The following TBC1D19 variants were observed in gnomAD, a reference collection of about 807,000 sequenced individuals.
The protein encoded by TBC1D19 is TBC1 domain family member 19, also known as TBC1 domain family, member 19.
A neutral mutation model predicts 89.0 loss-of-function variants in TBC1D19; 60 were observed. The observed-to-expected ratio is 0.67, with a 90% CI of 0.55 to 0.84. The LOEUF (loss-of-function observed/expected upper bound fraction) is 0.84. Among genes scored for constraint, TBC1D19 ranks in the 40% least tolerant of loss-of-function variants. The pLI is 0.00. For synonymous variants in TBC1D19, 189 were observed against 199.7 expected, an observed-to-expected ratio of 0.95 and a Z score of 0.45; for missense variants, 500 against 610.8, an observed-to-expected ratio of 0.82 and a Z score of 1.91.
At chr4:26,619,684 T>C (rs1307691707) in intron 3 of TBC1D19, among the ~76,000 whole-genome samples, 1 of 152,172 alleles carries the variant, frequency 6.6e-6, no homozygotes, top group Non-Finnish European at 1.5e-5. Flanking sequence ...ATACATGAAA[T>C]GTAGATTTTA....
chr4:26,622,684 T>A (rs561356265), intron 4 of TBC1D19, among the ~76,000 whole-genome samples: 6 of 152,194 alleles, frequency 3.9e-5, no homozygotes, highest in Non-Finnish European at 7.3e-5. Context: ...TTGTGACACA[T>A]GAAAACTATA....
chr4:26,597,488 T>C (rs938861833), intron 1 of TBC1D19, among the ~76,000 whole-genome samples: 1 of 151,686 alleles, frequency 6.6e-6, no homozygotes, highest in Non-Finnish European at 1.5e-5. Flanking sequence ...AGACGTCATA[T>C]AGTTTTCTTA....
chr4:26,799,192 A>T, the TBC1D19 span, among the ~76,000 whole-genome samples: 1 of 152,126 alleles, frequency 6.6e-6, no homozygotes, highest in Non-Finnish European at 1.5e-5. Flanking sequence ...AAAATAAAAT[A>T]AAATTAACTG....
intron 4 of TBC1D19, among the ~76,000 whole-genome samples, chr4:26,633,836 C>A (rs768186753): frequency 6.6e-6 from 1 of 152,122 alleles, no homozygotes; most frequent in Non-Finnish European, 1.5e-5. Context: ...TCAGCAGAAG[C>A]TACTTCTTTT....
At chr4:26,631,899 T>A (rs1188552093) in intron 4 of TBC1D19, among the ~76,000 whole-genome samples, 2 of 152,128 alleles carry the variant, frequency 1.3e-5, no homozygotes, top group Admixed American at 6.6e-5. Context: ...ACTTTTTCTC[T>A]TGACTGTTTT....
the TBC1D19 span, among the ~76,000 whole-genome samples, chr4:26,842,942 A>G: frequency 2.0e-5 from 3 of 152,176 alleles, no homozygotes; most frequent in Non-Finnish European, 4.4e-5. Context: ...AAAAAGGAAG[A>G]ATTAAGTCTT....
At chr4:26,622,627 CTTTT>C (rs1742130772) in intron 4 of TBC1D19, among the ~76,000 whole-genome samples, 1 of 152,040 alleles carries the variant, frequency 6.6e-6, no homozygotes, top group South Asian at 2.1e-4. Flanking sequence ...TTTATTTTTA[CTTTT>C]TTTACATTTT....
chr4:26,839,420 G>T, the TBC1D19 span, among the ~76,000 whole-genome samples: 1 of 152,068 alleles, frequency 6.6e-6, no homozygotes, highest in Non-Finnish European at 1.5e-5. Flanking sequence ...TTCTGGTCTT[G>T]AATCGATTTT....
intron 11 of TBC1D19, among the ~76,000 whole-genome samples, chr4:26,676,379 T>C (rs553092087): frequency 2.5e-4 from 38 of 152,326 alleles, no homozygotes; most frequent in African/African-American, 8.4e-4. Flanking sequence ...GTAAACTTAA[T>C]TGCATCAGTA....
intron 13 of TBC1D19, among the ~76,000 whole-genome samples, chr4:26,716,576 A>G (rs1024149087): frequency 2.0e-5 from 3 of 152,174 alleles, no homozygotes; most frequent in Non-Finnish European, 2.9e-5. Context: ...TACAGGTTAA[A>G]TAAATTATTG....
intron 15 of TBC1D19, among the ~76,000 whole-genome samples, chr4:26,731,396 TTAAGTGGTC>T (rs922360252): frequency 8.6e-5 from 13 of 151,436 alleles, no homozygotes; most frequent in African/African-American, 3.2e-4. Flanking sequence ...GACTGAAGAG[TTAAGTGGTC>T]CTTATCCAAA....
At chr4:26,839,948 C>T in the TBC1D19 span, among the ~76,000 whole-genome samples, 1 of 152,088 alleles carries the variant, frequency 6.6e-6, no homozygotes, top group East Asian at 1.9e-4. Flanking sequence ...GCAGCTGCTG[C>T]TGTCTCTGGT....
chr4:26,828,102 G>C, the TBC1D19 span, among the ~76,000 whole-genome samples: 1 of 152,146 alleles, frequency 6.6e-6, no homozygotes, highest in Non-Finnish European at 1.5e-5. Flanking sequence ...TAGTCCCCAG[G>C]AGGCTTATGA....
At chr4:26,705,030 ATCT>A (rs34509190) in intron 13 of TBC1D19, among the ~76,000 whole-genome samples, 4,837 of 152,178 alleles carry the variant, frequency 0.032, 251 homozygotes, top group African/African-American at 0.11. Flanking sequence ...GATATTGAGC[ATCT>A]TTTCTTGTGC....
At chr4:26,634,181 T>G (rs1209878066) in intron 4 of TBC1D19, among the ~76,000 whole-genome samples, 1 of 152,136 alleles carries the variant, frequency 6.6e-6, no homozygotes, top group Non-Finnish European at 1.5e-5. Context: ...CTGGATTCAT[T>G]TCTCTTGAAG....
At chr4:26,699,867 GT>G (rs1715165449) in intron 13 of TBC1D19, among the ~76,000 whole-genome samples, 1 of 150,858 alleles carries the variant, frequency 6.6e-6, no homozygotes, top group African/African-American at 2.4e-5. Context: ...CTGTTTTGGG[GT>G]GGGGGGAAGG....
the TBC1D19 span, among the ~76,000 whole-genome samples, chr4:26,764,130 C>T: frequency 2.6e-5 from 4 of 152,122 alleles, no homozygotes; most frequent in Non-Finnish European, 5.9e-5. Flanking sequence ...AAATGTACTT[C>T]TTTTTTGAAT....
intron 13 of TBC1D19, among the ~76,000 whole-genome samples, chr4:26,688,646 G>C (rs1213125100): frequency 9.9e-5 from 15 of 151,986 alleles, no homozygotes; most frequent in Non-Finnish European, 1.5e-5. Flanking sequence ...AGGTATTATT[G>C]GCAGGTAAGT....
chr4:26,617,502 T>C (rs1188138553), intron 3 of TBC1D19, among the ~76,000 whole-genome samples: 1 of 152,244 alleles, frequency 6.6e-6, no homozygotes, highest in African/African-American at 2.4e-5. Flanking sequence ...GGATTAAAAA[T>C]GTTCTGGAAC....
Sources: gnomAD v4.1 joint callset for allele counts (sites outside exome capture counted in the v4.1 genomes callset) on GRCh38, gnomAD v4.1.1 for gene constraint, MANE v1.5 for transcripts, NCBI Gene and HGNC (gene_info 2026-07-23, HGNC 2026-07-21) for gene names.